Variants in IL1RAP observed in about 807,000 individuals in gnomAD.
IL1RAP encodes interleukin 1 receptor accessory protein.
IL1RAP carries 35 observed loss-of-function variants against 60.7 expected under a neutral mutation model. That is an observed-to-expected ratio of 0.58 (90% CI 0.44 to 0.76). The LOEUF (loss-of-function observed/expected upper bound fraction) is 0.76. Among genes scored for constraint, IL1RAP ranks in the 30% least tolerant of loss-of-function variants. The pLI, the probability that IL1RAP is intolerant of heterozygous loss-of-function variation, is 0.00. For synonymous variants in IL1RAP, 268 were observed against 250.9 expected (o/e 1.07, Z -0.64); for missense variants, 572 against 693.9 (o/e 0.82, Z 1.97).
At chr3:190,602,574 G>A (rs2108748632) in intron 3 of IL1RAP, among the ~76,000 whole-genome samples, 1 of 152,144 alleles carries the variant, frequency 6.6e-6, no homozygotes. Context: ...ATTAATGTAA[G>A]TTCAAGGAAA....
At chr3:190,580,056 G>T (rs1464261706) in intron 3 of IL1RAP, among the ~76,000 whole-genome samples, 1 of 152,138 alleles carries the variant, frequency 6.6e-6, no homozygotes, top group African/African-American at 2.4e-5. Flanking sequence ...AAGTTTTTGT[G>T]TGGACATATG....
intron 7 of IL1RAP, 58 bp from the exon 8 acceptor site, chr3:190,627,265 T>TTTTGA: frequency 7.4e-7 from 1 of 1,357,544 alleles, no homozygotes; most frequent in Non-Finnish European, 1.0e-6. Flanking sequence ...TTTTGTTTTG[T>TTTTGA]TTTGTTTTGT....
downstream of IL1RAP, chr3:190,655,959 TGTGACA>T: frequency 1.3e-6 from 2 of 1,537,318 alleles, no homozygotes; most frequent in South Asian, 2.4e-5. Flanking sequence ...GCCCTGACTA[TGTGACA>T]GAAAAGAGCA....
At chr3:190,604,545 C>A (rs1730135092) in intron 4 of IL1RAP, 132 bp downstream of exon 4, 2 of 954,458 alleles carry the variant, frequency 2.1e-6, no homozygotes, top group Non-Finnish European at 3.1e-6. Context: ...TAATTGTCTG[C>A]AGCTTAGCTG....
intron 3 of IL1RAP, among the ~76,000 whole-genome samples, chr3:190,574,562 C>A (rs542751331): frequency 6.6e-6 from 1 of 152,340 alleles, no homozygotes; most frequent in South Asian, 2.1e-4. Context: ...TCTGTCCCTC[C>A]ACTTAGGTGT....
chr3:190,542,731 G>A (rs765497181), intron 1 of IL1RAP, among the ~76,000 whole-genome samples: 1 of 152,020 alleles, frequency 6.6e-6, no homozygotes, highest in Non-Finnish European at 1.5e-5. Context: ...CAGAGTTTGG[G>A]TAGTGATTTG....
intron 9 of IL1RAP, among the ~76,000 whole-genome samples, chr3:190,637,163 A>C (rs1733290190): frequency 6.6e-6 from 1 of 152,164 alleles, no homozygotes; most frequent in South Asian, 2.1e-4. Flanking sequence ...GCTTTAAATA[A>C]CTGTCTTCTA....
chr3:190,585,382 T>G (rs1728366709), intron 3 of IL1RAP, among the ~76,000 whole-genome samples: 1 of 152,118 alleles, frequency 6.6e-6, no homozygotes, highest in South Asian at 2.1e-4. Flanking sequence ...TTGACTTCGT[T>G]TAATAACAAA....
At chr3:190,579,815 A>T (rs1285827406) in intron 3 of IL1RAP, among the ~76,000 whole-genome samples, 1 of 152,180 alleles carries the variant, frequency 6.6e-6, no homozygotes, top group Non-Finnish European at 1.5e-5. Flanking sequence ...GATATTTCAT[A>T]CAAGTGGGAT....
chr3:190,620,911 A>G (rs1731722723), intron 6 of IL1RAP, among the ~76,000 whole-genome samples: 1 of 152,212 alleles, frequency 6.6e-6, no homozygotes, highest in South Asian at 2.1e-4. Flanking sequence ...ATTTTTCTAC[A>G]TACTGAAACT....
At chr3:190,573,490 C>A (rs189663311) in intron 3 of IL1RAP, among the ~76,000 whole-genome samples, 10 of 152,076 alleles carry the variant, frequency 6.6e-5, no homozygotes, top group African/African-American at 9.7e-5. Context: ...AATTAGTAAT[C>A]GGAAGTGTTG....
At chr3:190,569,485 A>G (rs558822647) in intron 3 of IL1RAP, among the ~76,000 whole-genome samples, 2 of 152,342 alleles carry the variant, frequency 1.3e-5, no homozygotes, top group Admixed American at 1.3e-4. Context: ...TGTATGAAGA[A>G]TACTGTTTCA....
In IL1RAP at chr3:190,650,120, A is replaced by G. The variant is rs1734309049; in HGVS notation, c.*1415A>G. 1.0e-6 allele frequency: 1 copy of G among 971,484 alleles called. No homozygotes were observed. The highest frequency in any genetic ancestry group is 1.2e-6 in the Non-Finnish European group (1 of 817,590). 60.2% of individuals were successfully genotyped at this position (971,484 alleles called of 1,614,324 possible). On this transcript the variant is annotated 3_prime_UTR_variant, in exon 12 of 12. Transcript: ENST00000447382. ...TGTATGTATATGACTTTAAATAGCT[A>G]TGGGTACAATATTAAAAACCACTGG...
At chr3:190,634,719 G>GTTTTTTTTTT (rs1733070414) in intron 9 of IL1RAP, among the ~76,000 whole-genome samples, 2 of 128,442 alleles carry the variant, frequency 1.6e-5, no homozygotes, top group African/African-American at 6.8e-5. Context: ...TTTTTTTTTT[G>GTTTTTTTTTT]TTGTTGTTTT....
rs371257273 is a variant in IL1RAP, at chr3:190,588,813, A to G, written c.65-15315A>G. 5.9e-5 allele frequency among the ~76,000 whole-genome samples: 9 copies of G among 152,324 alleles called. No individual in the cohort carries two copies. In the East Asian group the frequency reaches 1.7e-3, roughly 29 times the overall value. Reference sequence around the variant, plus strand: ...TGAGGCAAATGTTCTCAACCTTAGCACTATAGTAAGTCAATAAGCTCAACA... The same window carrying G: ...TGAGGCAAATGTTCTCAACCTTAGCGCTATAGTAAGTCAATAAGCTCAACA... On this transcript the variant is annotated intron_variant, in intron 3 of 11. Transcript: ENST00000447382.
chr3:190,575,419 G>A (rs1727352849), intron 3 of IL1RAP, among the ~76,000 whole-genome samples: 1 of 152,168 alleles, frequency 6.6e-6, no homozygotes, highest in Admixed American at 6.5e-5. Flanking sequence ...ATTTTTATAA[G>A]AAGTTCTCTA....
intron 10 of IL1RAP, 113 bp from the exon 11 acceptor site, chr3:190,645,586 T>A: frequency 1.2e-6 from 1 of 827,900 alleles, no homozygotes; most frequent in Non-Finnish European, 1.9e-6. Flanking sequence ...AAAATCGCAC[T>A]GGAATCTGTC....
intron 1 of IL1RAP, among the ~76,000 whole-genome samples, chr3:190,547,715 G>A (rs533642864): frequency 2.0e-5 from 3 of 152,292 alleles, no homozygotes; most frequent in Non-Finnish European, 4.4e-5. Flanking sequence ...TTGGCCTGGT[G>A]CACTGTAAGT....
intron 9 of IL1RAP, among the ~76,000 whole-genome samples, chr3:190,641,859 T>A (rs1225308705): frequency 3.9e-5 from 6 of 152,216 alleles, no homozygotes; most frequent in Non-Finnish European, 5.9e-5. Context: ...GTGATTTTCA[T>A]GCCAGCTATC....
Sources: gnomAD v4.1 joint callset for allele counts (sites outside exome capture counted in the v4.1 genomes callset) on GRCh38, gnomAD v4.1.1 for gene constraint, MANE v1.5 for transcripts, NCBI Gene and HGNC (gene_info 2026-07-23, HGNC 2026-07-21) for gene names.